The following ADGRD2 variants were observed in gnomAD, a reference collection of about 807,000 sequenced individuals.
ADGRD2 encodes the protein G protein-coupled receptor PGR24.
A neutral mutation model predicts 44.4 loss-of-function variants in ADGRD2; 71 were observed. The observed-to-expected ratio is 1.60, with a 90% confidence interval of 1.32 to 1.95. The LOEUF (loss-of-function observed/expected upper bound fraction) is 1.95. ADGRD2 is among the 30% of genes most tolerant of loss of function. The probability of loss-of-function intolerance (pLI) is 0.00; values close to 1 mark genes in which losing one functional copy is unlikely to be tolerated. For synonymous variants in ADGRD2, 481 were observed against 224.8 expected (o/e 2.14, Z -10.19); for missense variants, 1,039 against 512.4 (o/e 2.03, Z -9.92).
At position 124,454,731 on chromosome 9, in the gene ADGRD2, G is replaced by A. The variant is rs1447953137; in HGVS notation, c.1109-112G>A. The A allele has an allele frequency of 8.1e-6, 5 of 615,958 alleles. No individual in the cohort carries two copies. Among genetic ancestry groups the A allele is most frequent in the African/African-American group, 1.8e-5 (1 of 54,412 alleles). 38.2% of individuals were successfully genotyped at this position (615,958 alleles called of 1,614,324 possible). A position where few individuals can be genotyped will look rare whatever the true frequency, so the allele number is the denominator to read the frequency against. On this transcript the variant is annotated intron_variant, in intron 5 of 21. Transcript: ENST00000334810. This position sits in a 1 kb window ranked among gnomAD's most constrained non-coding sequence, Gnocchi z 4.5. Reference sequence around the variant, plus strand: ...TAGCCCCTGAGAGTTGGCGGCTTGTGACAAGTTTAATGGGTGCCCACCAAG... The same window carrying A: ...TAGCCCCTGAGAGTTGGCGGCTTGTAACAAGTTTAATGGGTGCCCACCAAG...
At chr9:124,477,841 G>A (rs1196502741) in intron 21 of ADGRD2, among the ~76,000 whole-genome samples, 1 of 146,500 alleles carries the variant, frequency 6.8e-6, no homozygotes, top group Non-Finnish European at 1.5e-5. Flanking sequence ...CGCGGCTGCA[G>A]GAACAAGAGA....
chr9:124,470,084 A>G (rs989887807), intron 16 of ADGRD2, among the ~76,000 whole-genome samples: 7 of 151,938 alleles, frequency 4.6e-5, no homozygotes, highest in African/African-American at 1.7e-4. Context: ...ATCCTCCACC[A>G]AGCACAGGCC....
At chr9:124,474,840 AT>A (rs1832014714) in intron 17 of ADGRD2, among the ~76,000 whole-genome samples, 1 of 152,140 alleles carries the variant, frequency 6.6e-6, no homozygotes, top group Non-Finnish European at 1.5e-5. Flanking sequence ...ACCAAATGTG[AT>A]GGTGCAGGGA....
At position 124,460,374 on chromosome 9, in the gene ADGRD2, G is replaced by GTGTATATA. The variant is rs1554718948; in HGVS notation, c.1870+1654_1870+1655insGTATATAT. 7.5e-5 allele frequency among the ~76,000 whole-genome samples: 6 copies of GTGTATATA among 80,326 alleles called. No homozygotes were observed. In the South Asian group the frequency reaches 2.7e-3, roughly 36 times the overall value. 52.7% of individuals were successfully genotyped at this position (80,326 alleles called of 152,430 possible). ...TGCGCTACCATGTCCAGCTAATTTT[G>GTGTATATA]TATATATATATATATTTTTTTTTAG... is the stretch of plus-strand genomic sequence containing the variant. On this transcript the variant is annotated intron_variant, in intron 10 of 21. Coordinates refer to ENST00000334810, the Ensembl canonical transcript of ADGRD2.
At chr9:124,458,491 C>A in intron 9 of ADGRD2, 125 bp from the exon 13 acceptor site, 1 of 632,530 alleles carries the variant, frequency 1.6e-6, no homozygotes, top group Non-Finnish European at 2.9e-6. Context: ...CCAGGTGCCA[C>A]AATTCCTGAT....
chr9:124,457,147 G>C, intron 7 of ADGRD2, among the ~76,000 whole-genome samples: 1 of 152,342 alleles, frequency 6.6e-6, no homozygotes. Context: ...TACACACTCC[G>C]TGAATGTTTG....
At chr9:124,453,064 G>A (rs935694406) in exon 3 of ADGRD2, 7 of 677,254 alleles carry the variant, frequency 1.0e-5, no homozygotes, top group African/African-American at 7.1e-5. Context: ...GCTGGTGTTC[G>A]ACGAGAGGAC....
At chr9:124,469,650 A>G in intron 16 of ADGRD2, 103 bp downstream of exon 19, 1 of 672,980 alleles carries the variant, frequency 1.5e-6, no homozygotes, top group Non-Finnish European at 2.7e-6. Flanking sequence ...GTCTGTGTCC[A>G]GAGCGTGACC....
chr9:124,467,473 T>C (rs2131250227), intron 11 of ADGRD2: 1 of 511,954 alleles, frequency 2.0e-6, no homozygotes, highest in Middle Eastern at 5.1e-4. Context: ...GTCAGCACTC[T>C]TAGTAATTGT....
At chr9:124,452,315 G>A (rs916324154) in intron 1 of ADGRD2, 161 bp downstream of exon 4, 8 of 636,600 alleles carry the variant, frequency 1.3e-5, no homozygotes, top group South Asian at 3.7e-5. Flanking sequence ...ACTGGTTTCC[G>A]TCTCATTCCT....
exon 11 of ADGRD2, chr9:124,466,349 C>T (rs1220108059): frequency 1.4e-6 from 1 of 717,662 alleles, no homozygotes; most frequent in African/African-American, 1.7e-5. Flanking sequence ...TACCTGGACT[C>T]CACCGCCTGC....
intron 16 of ADGRD2, 120 bp downstream of exon 19, chr9:124,469,667 C>T: frequency 1.5e-6 from 1 of 656,210 alleles, no homozygotes; most frequent in Non-Finnish European, 2.8e-6. Context: ...GACCGTGTGG[C>T]TATGCCCAAG....
intron 9 of ADGRD2, 64 bp from the exon 13 acceptor site, chr9:124,458,552 A>G: frequency 2.9e-6 from 2 of 698,296 alleles, no homozygotes; most frequent in South Asian, 1.5e-5. Context: ...CCTGGGTGAC[A>G]TGCCGCAGCC....
chr9:124,462,583 G>A (rs770314525), intron 10 of ADGRD2, among the ~76,000 whole-genome samples: 2 of 152,042 alleles, frequency 1.3e-5, no homozygotes, highest in Non-Finnish European at 2.9e-5. Context: ...TTTTCTCAGT[G>A]ATGTATACCT....
Position 124,471,679 on chromosome 9 carries a change from G to A in ADGRD2, c.2758+1065G>A, listed in dbSNP as rs563842519. 6.6e-5 allele frequency among the ~76,000 whole-genome samples: 10 copies of A among 152,318 alleles called. No individual in the cohort carries two copies. In the South Asian group the frequency reaches 1.9e-3, roughly 28 times the overall value. On this transcript the variant is annotated intron_variant, in intron 17 of 21. Coordinates refer to ENST00000334810, the Ensembl canonical transcript of ADGRD2. The stretch of plus-strand genomic sequence containing the variant: ...GGCATCCAGCTATGACCACAGATGG[G>A]TCCTGGCTGGTCCCTGGGAGCATGC...
exon 11 of ADGRD2, chr9:124,466,309 G>A: frequency 2.8e-6 from 2 of 715,138 alleles, no homozygotes; most frequent in Non-Finnish European, 2.6e-6. Context: ...GGGTGCCTGG[G>A]CCACCACAGG....
chr9:124,470,825 G>A (rs993528349), intron 17 of ADGRD2, among the ~76,000 whole-genome samples: 4 of 152,226 alleles, frequency 2.6e-5, no homozygotes, highest in Admixed American at 6.5e-5. Flanking sequence ...GGAGGCTCAC[G>A]GGGCCCCTCT....
intron 7 of ADGRD2, among the ~76,000 whole-genome samples, 173 bp downstream of exon 10, chr9:124,456,906 T>C (rs914464551): frequency 3.3e-5 from 5 of 152,178 alleles, no homozygotes; most frequent in Non-Finnish European, 5.9e-5. Context: ...CAAACACCTA[T>C]ACATCCTTCA....
chr9:124,468,775 A>C, intron 14 of ADGRD2, 103 bp downstream of exon 17: 1 of 626,024 alleles, frequency 1.6e-6, no homozygotes, highest in South Asian at 1.9e-5. Context: ...AGCACCCAGC[A>C]CCACTCAGCA....
Sources: gnomAD v4.1 joint callset for allele counts (sites outside exome capture counted in the v4.1 genomes callset) on GRCh38, gnomAD v4.1.1 for gene constraint, Gnocchi (gnomAD v3.1) non-coding constraint, MANE v1.5 for transcripts, NCBI Gene and HGNC (gene_info 2026-07-23, HGNC 2026-07-21) for gene names.